PCDHGA9: variants seen among roughly 807,000 people sequenced by gnomAD.
PCDHGA9 encodes protocadherin gamma subfamily A, 9, also known as protocadherin gamma-A9.
In PCDHGA9, 37 loss-of-function variants were observed where a neutral mutation model predicts 62.5. The observed-to-expected ratio is 0.59, with a 90% CI of 0.46 to 0.78. The LOEUF (loss-of-function observed/expected upper bound fraction) is 0.78, where lower values mean the gene tolerates loss of function less well. PCDHGA9 is among the 30% of genes least tolerant of loss of function. PCDHGA9 has a pLI of 0.00. For synonymous variants in PCDHGA9, 459 were observed against 484.6 expected, an observed-to-expected ratio of 0.95 and a Z score of 0.69; for missense variants, 1,138 against 1,166.2, an observed-to-expected ratio of 0.98 and a Z score of 0.35.
Position 141,485,175 on chromosome 5 carries a change from T to C in PCDHGA9, c.2425-9632T>C, listed in dbSNP as rs2099608731. ...GTAGAGAATTAGCGGGCGGCAGCAA[T>C]GCTCCGCAAGGTGAGAAGCTGGACA... On this transcript the variant is annotated intron_variant, in intron 1 of 3. Coordinates refer to ENST00000573521, the MANE Select transcript of PCDHGA9 (RefSeq NM_018921.3). The surrounding 1 kb of genome is among the most constrained non-coding windows in gnomAD (Gnocchi z 5.7). 6.2e-7 allele frequency: 1 copy of C among 1,611,486 alleles called. No homozygotes were observed. Among genetic ancestry groups the C allele is most frequent in the Non-Finnish European group, 8.5e-7 (1 of 1,177,998 alleles).
intron 1 of PCDHGA9, among the ~76,000 whole-genome samples, chr5:141,438,587 CATACATAT>C (rs1166583123): frequency 1.2e-4 from 9 of 73,430 alleles, no homozygotes; most frequent in Non-Finnish European, 1.6e-4. Flanking sequence ...TACATACATA[CATACATAT>C]ATATATATAT....
chr5:141,498,523 G>A (rs555386753), intron 2 of PCDHGA9, among the ~76,000 whole-genome samples: 1 of 151,580 alleles, frequency 6.6e-6, no homozygotes, highest in Admixed American at 6.6e-5. Context: ...CTTGCCCACT[G>A]CCCTCCAGCC....
chr5:141,487,041 G>C lies in PCDHGA9; in HGVS notation c.2425-7766G>C, dbSNP rs149314216. On this transcript the variant is annotated intron_variant, in intron 1 of 3. Coordinates refer to ENST00000573521, the MANE Select transcript of PCDHGA9 (RefSeq NM_018921.3). The surrounding 1 kb of genome is among the most constrained non-coding windows in gnomAD (Gnocchi z 5.0). ...GATCCCAGCCTGTTTGCAGTCTCTC[G>C]ATATGCTGGGGAGGTGCGGACGGCT... 2.5e-6 allele frequency: 4 copies of C among 1,614,018 alleles called. No homozygotes were observed. Among genetic ancestry groups the C allele is most frequent in the South Asian group, 2.2e-5 (2 of 91,084 alleles).
At chr5:141,482,888 A>G (rs1012212528) in intron 1 of PCDHGA9, among the ~76,000 whole-genome samples, 3 of 152,208 alleles carry the variant, frequency 2.0e-5, no homozygotes, top group African/African-American at 7.2e-5. Context: ...CCTGGCCAAC[A>G]TGGTGAAACC....
chr5:141,427,355 C>A (rs765449381), intron 1 of PCDHGA9: 9 of 457,430 alleles, frequency 2.0e-5, no homozygotes, highest in Non-Finnish European at 3.5e-5. Context: ...TAACTGAGGA[C>A]GCAGAACCCT....
Position 141,485,943 on chromosome 5 carries a change from C to CG in PCDHGA9, c.2425-8861dup, listed in dbSNP as rs1562109052. ...ATTAGTGTGTTGGAGAGCGCACCAG[C>CG]GGGCATGGTGCTCATCCAGCTCAAT... On this transcript the variant is annotated intron_variant, in intron 1 of 3. Coordinates refer to ENST00000573521, the MANE Select transcript of PCDHGA9 (RefSeq NM_018921.3). The surrounding 1 kb of genome is among the most constrained non-coding windows in gnomAD (Gnocchi z 5.7). The CG allele has an allele frequency of 1.2e-6, 2 of 1,614,126 alleles. No individual in the cohort carries two copies. Among genetic ancestry groups the CG allele is most frequent in the Non-Finnish European group, 1.7e-6 (2 of 1,180,012 alleles).
chr5:141,457,944 C>A (rs761151349), intron 1 of PCDHGA9, among the ~76,000 whole-genome samples: 33 of 152,310 alleles, frequency 2.2e-4, no homozygotes, highest in Non-Finnish European at 4.6e-4. Context: ...ATTGGCTCTG[C>A]ATGTCAAGCT....
chr5:141,433,742 C>T lies in PCDHGA9; in HGVS notation c.2424+28366C>T, dbSNP rs927651405. 2.6e-5 allele frequency among the ~76,000 whole-genome samples: 4 copies of T among 150,944 alleles called. No homozygotes were observed. The East Asian group carries it at 7.9e-4, about 30-fold the overall frequency. On this transcript the variant is annotated intron_variant, in intron 1 of 3. Coordinates refer to ENST00000573521, the MANE Select transcript of PCDHGA9 (RefSeq NM_018921.3). Reference sequence around the variant, plus strand: ...ATCCCAGCTACTTGGGAGGCTGAGTCAGGAGAATTGCTTTAACCTGGGAGG... The same window carrying T: ...ATCCCAGCTACTTGGGAGGCTGAGTTAGGAGAATTGCTTTAACCTGGGAGG...
chr5:141,418,781 G>C, intron 1 of PCDHGA9: 1 of 1,613,716 alleles, frequency 6.2e-7, no homozygotes, highest in African/African-American at 1.3e-5. Context: ...GCAGCCTTTG[G>C]ATTTTGAAGA....
intron 1 of PCDHGA9, among the ~76,000 whole-genome samples, chr5:141,460,983 GTATATA>G (rs59296681): frequency 0.23 from 32,081 of 137,558 alleles, 4,351 homozygotes; most frequent in African/African-American, 0.39. Context: ...GTGTGTGTGT[GTATATA>G]TATATATGTG....
chr5:141,443,849 T>A (rs1233479391), intron 1 of PCDHGA9, among the ~76,000 whole-genome samples: 2 of 152,136 alleles, frequency 1.3e-5, no homozygotes, highest in Admixed American at 1.3e-4. Flanking sequence ...ATATGGAAAG[T>A]CTGAAAACTG....
Position 141,490,866 on chromosome 5 carries a change from C to T in PCDHGA9, c.2425-3941C>T, listed in dbSNP as rs1408465290. The T allele has an allele frequency of 6.2e-7, 1 of 1,613,906 alleles. No homozygotes were observed. The highest frequency in any genetic ancestry group is 1.7e-5 in the Admixed American group (1 of 60,012). ...TGGGGGTTCGAGACTCCGGCTCTCC[C>T]CCATTGCATGCCAACACATCTCTGC... On this transcript the variant is annotated intron_variant, in intron 1 of 3. Coordinates refer to ENST00000573521, the MANE Select transcript of PCDHGA9 (RefSeq NM_018921.3). The surrounding 1 kb of genome is among the most constrained non-coding windows in gnomAD (Gnocchi z 5.4).
In PCDHGA9 at chr5:141,457,491, A is replaced by G. The variant is rs1462989353; in HGVS notation, c.2425-37316A>G. Among the ~76,000 whole-genome samples, 9 of 152,368 alleles carry G rather than the reference A, an allele frequency of 5.9e-5. No individual in the cohort carries two copies. The East Asian group carries it at 1.5e-3, about 26-fold the overall frequency. On this transcript the variant is annotated intron_variant, in intron 1 of 3. Transcript: ENST00000573521. ...ATAAGCAGGGCCAGGGTTAGTCTAA[A>G]ATGTAGGCAAAAAGCTTAAAAACAA...
intron 1 of PCDHGA9, among the ~76,000 whole-genome samples, chr5:141,481,678 G>A (rs1033213047): frequency 6.6e-6 from 1 of 152,006 alleles, no homozygotes; most frequent in African/African-American, 2.4e-5. Flanking sequence ...ATCAGGCCGG[G>A]CCTGGTGGCT....
rs1239203203 is a variant in PCDHGA9 at position 141,403,933 on chromosome 5, G to T, written c.981G>T (p.Leu327Phe). 1.7e-5 allele frequency: 27 copies of T among 1,613,792 alleles called. No homozygotes were observed. The highest frequency in any genetic ancestry group is 1.6e-4 in the African/African-American group (12 of 74,902). ...TACAAGCTGAAGATGGTGGGGGATT[G>T]AAAGGGTGGACAAAAGTGCTCATTT... ...MEIQAEDGGG[L>F]KGWTKVLISV... Residue 327 changes from leucine to phenylalanine, a missense_variant, in exon 1 of 4, where the codon TTG becomes TTT. Transcript: ENST00000573521.
At chr5:141,444,138 C>CTTGTGTG (rs2098418688) in intron 1 of PCDHGA9, among the ~76,000 whole-genome samples, 1 of 122,946 alleles carries the variant, frequency 8.1e-6, no homozygotes, top group South Asian at 2.7e-4. Flanking sequence ...ATATGTGTCA[C>CTTGTGTG]TTGTGTGTAC....
rs371821042 is a variant in PCDHGA9, at chr5:141,421,764, T to C, written c.2424+16388T>C. The C allele has an allele frequency of 8.7e-6, 14 of 1,613,782 alleles. No individual in the cohort carries two copies. The African/African-American group carries it at 1.5e-4, about 17-fold the overall frequency. ...ACCAGCTCAGCCCTAATAATTACTT[T>C]TCCTTGCAACTGCGGGGCAGAACGG... On this transcript the variant is annotated intron_variant, in intron 1 of 3. Transcript: ENST00000573521.
chr5:141,489,267 C>A lies in PCDHGA9; in HGVS notation c.2425-5540C>A. On this transcript the variant is annotated intron_variant, in intron 1 of 3. Transcript: ENST00000573521. This position sits in a 1 kb window ranked among gnomAD's most constrained non-coding sequence, Gnocchi z 4.5. ...TGGGGCCCAAGACACTCCCACAGCT[C>A]GCTGGGAAATGGCAAGTGCTGTGCA... is the stretch of plus-strand genomic sequence containing the variant. 1 of 1,553,300 alleles carries A rather than the reference C, an allele frequency of 6.4e-7. No homozygotes were observed. The highest frequency in any genetic ancestry group is 8.7e-7 in the Non-Finnish European group (1 of 1,149,864).
At chr5:141,422,747 C>T (rs1381295469) in intron 1 of PCDHGA9, 2 of 1,611,224 alleles carry the variant, frequency 1.2e-6, no homozygotes, top group Non-Finnish European at 1.7e-6. Context: ...TCCTATGTCT[C>T]TATTAACTCC....
Sources: allele counts gnomAD v4.1 joint callset (sites outside exome capture counted in the v4.1 genomes callset), GRCh38; gene constraint gnomAD v4.1.1; non-coding constraint Gnocchi (gnomAD v3.1); transcripts MANE v1.5; gene names NCBI Gene and HGNC (gene_info 2026-07-23, HGNC 2026-07-21).